The following DNER variants were observed in gnomAD, a reference collection of about 807,000 sequenced individuals.
DNER encodes the protein delta and Notch-like epidermal growth factor-related receptor.
A neutral mutation model predicts 78.2 loss-of-function variants in DNER; 33 were observed. The ratio of observed to expected loss-of-function variants is 0.42; its 90% CI spans 0.32 to 0.56. The LOEUF (loss-of-function observed/expected upper bound fraction) is 0.56, where lower values mean the gene tolerates loss of function less well. Ranked by LOEUF, DNER falls within the 20% of genes least tolerant of loss-of-function variation. The pLI, the probability that DNER is intolerant of heterozygous loss-of-function variation, is 0.11. For synonymous variants in DNER, 417 were observed against 384.8 expected (o/e 1.08, Z -0.98); for missense variants, 918 against 975.3 (o/e 0.94, Z 0.78).
At chr2:229,632,973 T>G (rs1433851706) in intron 1 of DNER, among the ~76,000 whole-genome samples, 1 of 152,216 alleles carries the variant, frequency 6.6e-6, no homozygotes, top group East Asian at 1.9e-4. Flanking sequence ...TAATGAATAA[T>G]TATTATTGTA....
chr2:229,480,058 A>G (rs965060532), intron 6 of DNER, among the ~76,000 whole-genome samples: 2 of 152,172 alleles, frequency 1.3e-5, no homozygotes, highest in African/African-American at 2.4e-5. Flanking sequence ...GTACATCCCC[A>G]CCAGACAGAA....
chr2:229,420,506 T>G (rs1693742394), intron 8 of DNER, among the ~76,000 whole-genome samples: 1 of 152,176 alleles, frequency 6.6e-6, no homozygotes, highest in Non-Finnish European at 1.5e-5. Flanking sequence ...AAGGCCAATG[T>G]TATGAAGTTT....
chr2:229,451,234 G>A lies in DNER; in HGVS notation c.1262-3694C>T, dbSNP rs890045315. Among the ~76,000 whole-genome samples, 8 of 152,156 alleles carry A rather than the reference G, an allele frequency of 5.3e-5. No homozygotes were observed. The East Asian group carries it at 9.6e-4, about 18-fold the overall frequency. On this transcript the variant is annotated intron_variant, in intron 7 of 12. Coordinates refer to ENST00000341772, the MANE Select transcript of DNER (RefSeq NM_139072.4). The stretch of plus-strand genomic sequence containing the variant: ...AGCACTTTGGGAGACTGAGGCAGGC[G>A]GATCACGAGGTCAGGAGTCCAAGAC...
chr2:229,584,526 G>A (rs1325019327), intron 4 of DNER, among the ~76,000 whole-genome samples: 3 of 152,114 alleles, frequency 2.0e-5, no homozygotes, highest in Non-Finnish European at 4.4e-5. Flanking sequence ...GACACAGAAT[G>A]CTAAACTAGG....
chr2:229,596,966 T>C (rs1252295126), intron 1 of DNER, among the ~76,000 whole-genome samples: 2 of 152,042 alleles, frequency 1.3e-5, no homozygotes, highest in African/African-American at 2.4e-5. Flanking sequence ...CGCATATACA[T>C]GCACACACCT....
chr2:229,620,974 A>C (rs1698242533), intron 1 of DNER, among the ~76,000 whole-genome samples: 1 of 152,018 alleles, frequency 6.6e-6, no homozygotes, highest in South Asian at 2.1e-4. Flanking sequence ...CTAATCTCAG[A>C]CTCCCAGGCT....
chr2:229,395,964 A>T (rs1693130819), intron 10 of DNER, among the ~76,000 whole-genome samples: 1 of 152,054 alleles, frequency 6.6e-6, no homozygotes, highest in African/African-American at 2.4e-5. Flanking sequence ...AAAAGAAGAC[A>T]CTTTTCCTGG....
At chr2:229,527,700 G>A (rs1227411917) in intron 5 of DNER, among the ~76,000 whole-genome samples, 1 of 152,062 alleles carries the variant, frequency 6.6e-6, no homozygotes, top group African/African-American at 2.4e-5. Context: ...AGAATGTTTT[G>A]TTCAAAAGCA....
At chr2:229,617,513 G>A (rs994552133) in intron 1 of DNER, among the ~76,000 whole-genome samples, 9 of 151,954 alleles carry the variant, frequency 5.9e-5, no homozygotes, top group African/African-American at 2.2e-4. Context: ...TAAACACATT[G>A]GTTGTATCCT....
At chr2:229,556,321 C>A (rs989968406) in intron 4 of DNER, among the ~76,000 whole-genome samples, 1 of 152,200 alleles carries the variant, frequency 6.6e-6, no homozygotes, top group African/African-American at 2.4e-5. Context: ...AGTGTTGAAA[C>A]CAGTAGCTTC....
At chr2:229,361,546 TG>T (rs1271209535) in intron 12 of DNER, among the ~76,000 whole-genome samples, 1 of 152,140 alleles carries the variant, frequency 6.6e-6, no homozygotes, top group Non-Finnish European at 1.5e-5. Flanking sequence ...CAGGACAATA[TG>T]GCCTGCAAAG....
At chr2:229,428,680 A>C (rs1693937643) in intron 8 of DNER, among the ~76,000 whole-genome samples, 2 of 151,972 alleles carry the variant, frequency 1.3e-5, no homozygotes, top group South Asian at 4.2e-4. Context: ...TGAAAAAAAA[A>C]AAAATCAGTT....
intron 8 of DNER, among the ~76,000 whole-genome samples, chr2:229,427,873 G>A (rs1316012778): frequency 3.3e-5 from 5 of 151,892 alleles, no homozygotes; most frequent in East Asian, 1.9e-4. Flanking sequence ...TCAGGAGTTC[G>A]AGACCAGCCT....
intron 6 of DNER, among the ~76,000 whole-genome samples, chr2:229,491,433 G>C (rs929502133): frequency 7.2e-5 from 11 of 152,108 alleles, no homozygotes; most frequent in Admixed American, 6.6e-4. Flanking sequence ...ACCTCCCAAA[G>C]GCTCCACCTT....
At chr2:229,498,385 C>G (rs1289558659) in intron 6 of DNER, among the ~76,000 whole-genome samples, 2 of 152,088 alleles carry the variant, frequency 1.3e-5, no homozygotes, top group Non-Finnish European at 2.9e-5. Context: ...CCACTCTCAC[C>G]ACTTCTATTG....
At chr2:229,553,933 C>T (rs1239024077) in intron 4 of DNER, among the ~76,000 whole-genome samples, 1 of 152,122 alleles carries the variant, frequency 6.6e-6, no homozygotes, top group African/African-American at 2.4e-5. Flanking sequence ...GAACAACGTA[C>T]AATCAACACC....
chr2:229,549,040 C>T (rs73998269), intron 4 of DNER, among the ~76,000 whole-genome samples: 3,005 of 152,110 alleles, frequency 0.02, 104 homozygotes, highest in African/African-American at 0.065. Context: ...TTTTTCTCAA[C>T]GTTATTTATA....
At chr2:229,503,797 A>T (rs1695676446) in intron 6 of DNER, among the ~76,000 whole-genome samples, 2 of 152,230 alleles carry the variant, frequency 1.3e-5, no homozygotes, top group African/African-American at 4.8e-5. Flanking sequence ...GGTTGAATAT[A>T]GTAGCACTAC....
At chr2:229,592,026 T>A in intron 1 of DNER, 138 bp from the exon 2 acceptor site, 1 of 1,192,884 alleles carries the variant, frequency 8.4e-7, no homozygotes. Context: ...TAACTACTTG[T>A]GCTGTTGTGG....
Sources: gnomAD v4.1 joint callset for allele counts (sites outside exome capture counted in the v4.1 genomes callset) on GRCh38, gnomAD v4.1.1 for gene constraint, MANE v1.5 for transcripts, NCBI Gene and HGNC (gene_info 2026-07-23, HGNC 2026-07-21) for gene names.